GPANK1: variants seen among roughly 807,000 people sequenced by gnomAD.
The protein encoded by GPANK1 is G-patch domain and ankyrin repeats 1.
Under a neutral mutation model 24.0 loss-of-function variants are expected in GPANK1, and 22 were observed. The ratio of observed to expected loss-of-function variants is 0.92; its 90% CI spans 0.66 to 1.31. The LOEUF is 1.31. GPANK1 is among the 50% of genes most tolerant of loss of function. The probability of loss-of-function intolerance (pLI) is 0.00; values close to 1 mark genes in which losing one functional copy is unlikely to be tolerated. For synonymous variants in GPANK1, 174 were observed against 177.4 expected, an observed-to-expected ratio of 0.98 and a Z score of 0.15; for missense variants, 469 against 453.5, an observed-to-expected ratio of 1.03 and a Z score of -0.31.
rs1402461127 is a variant in GPANK1, at chr6:31,664,427, G to C, written c.52C>G (p.Leu18Val). ...GGCTGCTGCTGCCCATCCTTCCAGA[G>C]GTCGCTGGGGTCAGTGGCTGGGGTG... ...TFTPATDPSD[L>V]WKDGQQQPQP... The change falls in exon 2 of 3, where the codon CTC (leucine) becomes GTC (valine). Residue 18 changes from leucine (L) to valine (V), a missense_variant. Leu to Val is a conservative substitution (Grantham distance 32). Transcript: ENST00000375896. 1.2e-6 allele frequency: 2 copies of C among 1,614,090 alleles called. No individual in the cohort carries two copies. The highest frequency in any genetic ancestry group is 1.7e-4 in the Middle Eastern group (1 of 6,054).
upstream of GPANK1, chr6:31,665,752 G>A: frequency 2.1e-6 from 2 of 940,636 alleles, no homozygotes; most frequent in Non-Finnish European, 3.1e-6. Context: ...GAGGAGAGCT[G>A]CGGAAAGAGA....
At position 31,662,158 on chromosome 6, in the gene GPANK1, C is replaced by T; in HGVS notation, c.*108G>A. 1 of 650,412 alleles carries T rather than the reference C, an allele frequency of 1.5e-6. No individual in the cohort carries two copies. The highest frequency in any genetic ancestry group is 2.6e-6 in the Non-Finnish European group (1 of 383,968). The allele number at this position is 650,412 out of a possible 1,614,324, so 40.3% of individuals were successfully genotyped here. A position where few individuals can be genotyped will look rare whatever the true frequency, so the allele number is the denominator to read the frequency against. The stretch of plus-strand genomic sequence containing the variant: ...GAAGACAGAGCCTATTGACCAAAAA[C>T]TTCAGGATCTGCATCTGAGCAGATC... On this transcript the variant is annotated 3_prime_UTR_variant, in exon 3 of 3. Transcript: ENST00000375896. This position sits in a 1 kb window ranked among gnomAD's most constrained non-coding sequence, Gnocchi z 5.5.
Position 31,663,928 on chromosome 6 carries a change from G to T in GPANK1, c.551C>A (p.Ala184Asp). 1.9e-6 allele frequency: 3 copies of T among 1,612,970 alleles called. No individual in the cohort carries two copies. The highest frequency in any genetic ancestry group is 2.5e-6 in the Non-Finnish European group (3 of 1,179,440). ...ELSGRDAAQL[A>D]EEAGFPEVAR... Reference sequence around the variant, plus strand: ...TACCTCAGGGAAGCCAGCTTCTTCAGCGAGCTGAGCCGCATCCCTGCCACT... The same window carrying T: ...TACCTCAGGGAAGCCAGCTTCTTCATCGAGCTGAGCCGCATCCCTGCCACT... Residue 184 changes from alanine to aspartate, a missense_variant, in exon 2 of 3, where the codon GCT becomes GAT. Transcript: ENST00000375896.
At chr6:31,665,560 G>A (rs1801559463), upstream of GPANK1, 2 of 1,426,940 alleles carry the variant, frequency 1.4e-6, no homozygotes, top group Admixed American at 4.0e-5. Context: ...CCTACGCACG[G>A]AGCCAAGCCG....
chr6:31,662,650 G>A lies in GPANK1; in HGVS notation c.687C>T (p.Asn229=). 1 of 1,612,368 alleles carries A rather than the reference G, an allele frequency of 6.2e-7. No individual in the cohort carries two copies. Among genetic ancestry groups the A allele is most frequent in the Non-Finnish European group, 8.5e-7 (1 of 1,179,446 alleles). The stretch of plus-strand genomic sequence containing the variant: ...GCAGGTGAGCAGTGGATGTGCGGTG[G>A]TTGGAATCTTGGAAGTGGGTGTCAC... ...ENCDTHFQDS[N]HRTSTAHLLS... The change falls in exon 3 of 3, where the codon AAC becomes AAT. Residue 229 remains asparagine (N), a synonymous_variant. Coordinates refer to ENST00000375896, the MANE Select transcript of GPANK1 (RefSeq NM_033177.4). This position sits in a 1 kb window ranked among gnomAD's most constrained non-coding sequence, Gnocchi z 5.5.
Position 31,663,970 on chromosome 6 carries a change from AC to A in GPANK1, c.508del (p.Val170TrpfsTer6), listed in dbSNP as rs1801255262. On this transcript the variant is annotated frameshift_variant, in exon 2 of 3. Transcript: ENST00000375896. LOFTEE classifies it high-confidence loss of function. The stretch of plus-strand genomic sequence containing the variant: ...CCTGCCACTCAGCTCACAGACCCCC[AC>A]CCAGGCAGCCCCACGGCCCAGGAGA... The part of the protein sequence containing the change: ...SYLLGRGAAW[V>X]GVCELSGRDA... 6.2e-7 allele frequency: 1 copy of A among 1,613,870 alleles called. No individual in the cohort carries two copies. Among genetic ancestry groups the A allele is most frequent in the Admixed American group, 1.7e-5 (1 of 59,998 alleles).
upstream of GPANK1, chr6:31,665,554 C>G (rs1801558109): frequency 1.6e-6 from 2 of 1,252,770 alleles, no homozygotes; most frequent in Non-Finnish European, 2.1e-6. Context: ...CAAGTCCCTA[C>G]GCACGGAGCC....
In GPANK1 at chr6:31,664,435, G is replaced by A; in HGVS notation, c.44C>T (p.Pro15Leu). 6.2e-7 allele frequency: 1 copy of A among 1,614,024 alleles called. No individual in the cohort carries two copies. Among genetic ancestry groups the A allele is most frequent in the Non-Finnish European group, 8.5e-7 (1 of 1,179,982 alleles). Residue 15 changes from proline (P) to leucine (L), a missense_variant, in exon 2 of 3, where the codon CCC becomes CTC. Physicochemically the swap from Pro to Leu is moderately conservative, Grantham distance 98 (BLOSUM62 -3). Coordinates refer to ENST00000375896, the MANE Select transcript of GPANK1 (RefSeq NM_033177.4). The part of the protein sequence containing the change: ...LLITFTPATD[P>L]SDLWKDGQQQ... The stretch of plus-strand genomic sequence containing the variant: ...CTGCCCATCCTTCCAGAGGTCGCTG[G>A]GGTCAGTGGCTGGGGTGAAGGTGAT...
intron 2 of GPANK1, 150 bp downstream of exon 2, chr6:31,663,703 G>C: frequency 8.2e-7 from 1 of 1,217,092 alleles, no homozygotes; most frequent in Non-Finnish European, 1.1e-6. Context: ...GGGAGCTCAT[G>C]TTTATAACCA....
chr6:31,665,327 C>T, upstream of GPANK1: 2 of 976,584 alleles, frequency 2.0e-6, no homozygotes, highest in Non-Finnish European at 1.6e-6. Flanking sequence ...AGGAAAGGCC[C>T]TCAGGAGGCG....
Position 31,662,342 on chromosome 6 carries a change from C to T in GPANK1, c.995G>A (p.Arg332Lys). The T allele has an allele frequency of 1.9e-6, 3 of 1,610,510 alleles. No individual in the cohort carries two copies. The highest frequency in any genetic ancestry group is 2.5e-6 in the Non-Finnish European group (3 of 1,178,506). The change falls in exon 3 of 3, where the codon AGG becomes AAG. Residue 332 changes from arginine (R) to lysine (K), a missense_variant. By Grantham distance (26) the Arg-to-Lys change is conservative (BLOSUM62 2). Transcript: ENST00000375896. The surrounding 1 kb of genome is among the most constrained non-coding windows in gnomAD (Gnocchi z 5.5). ...TTTCTCCTCCCTCCTTCTCTCCTCC[C>T]TCCAGCTCAGTGTGGCCACCCGAGG... The part of the protein sequence containing the change: ...RPPRVATLSW[R>K]EERRREEKDR...
At chr6:31,665,659 C>G, upstream of GPANK1, 3 of 861,566 alleles carry the variant, frequency 3.5e-6, no homozygotes, top group Non-Finnish European at 5.5e-6. Context: ...AGGGGCCCAA[C>G]AGGCAATAAG....
rs1242017918 is a variant in GPANK1 at position 31,663,940 on chromosome 6, G to A, written c.539C>T (p.Ala180Val). Reference sequence around the variant, plus strand: ...GCCAGCTTCTTCAGCGAGCTGAGCCGCATCCCTGCCACTCAGCTCACAGAC... The same window carrying A: ...GCCAGCTTCTTCAGCGAGCTGAGCCACATCCCTGCCACTCAGCTCACAGAC... Reference protein sequence around the residue: ...VGVCELSGRDAAQLAEEAGFP... With the variant: ...VGVCELSGRDVAQLAEEAGFP... The change falls in exon 2 of 3, where the codon GCG becomes GTG. Residue 180 changes from alanine (A) to valine (V), a missense_variant. By Grantham distance (64) the Ala-to-Val change is moderately conservative. Transcript: ENST00000375896. The A allele has an allele frequency of 2.5e-6, 4 of 1,613,596 alleles. No homozygotes were observed. Among genetic ancestry groups the A allele is most frequent in the East Asian group, 2.2e-5 (1 of 44,876 alleles).
chr6:31,666,246 G>T, upstream of GPANK1: 2 of 951,258 alleles, frequency 2.1e-6, no homozygotes, highest in South Asian at 4.6e-5. Context: ...GTCCCTTGTC[G>T]CTGGGAGCGG....
At chr6:31,664,601 C>T in intron 1 of GPANK1, 24 bp from the exon 2 acceptor site, 1 of 701,340 alleles carries the variant, frequency 1.4e-6, no homozygotes, top group Non-Finnish European at 2.4e-6. Context: ...AAAAAGTAGT[C>T]AAAAACACTT....
At position 31,663,909 on chromosome 6, in the gene GPANK1, A is replaced by C; in HGVS notation, c.570T>G (p.Pro190=). The C allele has an allele frequency of 1.2e-6, 2 of 1,610,026 alleles. No homozygotes were observed. Among genetic ancestry groups the C allele is most frequent in the Non-Finnish European group, 8.5e-7 (1 of 1,177,940 alleles). The part of the protein sequence containing the change: ...AAQLAEEAGF[P]EVARMVRESH... ...TCTCCCTGACCATGCGGGCTACCTC[A>C]GGGAAGCCAGCTTCTTCAGCGAGCT... Residue 190 remains proline (P), a synonymous_variant, in exon 2 of 3, where the codon CCT becomes CCG. Coordinates refer to ENST00000375896, the MANE Select transcript of GPANK1 (RefSeq NM_033177.4).
At chr6:31,666,155 C>G, upstream of GPANK1, 1 of 991,436 alleles carries the variant, frequency 1.0e-6, no homozygotes, top group Non-Finnish European at 1.2e-6. Context: ...CGCCGCCGTT[C>G]CCTGGAAGTA....
chr6:31,665,750 C>G (rs1801594595), upstream of GPANK1: 9 of 927,684 alleles, frequency 9.7e-6, no homozygotes, highest in African/African-American at 1.7e-5. Flanking sequence ...GTGAGGAGAG[C>G]TGCGGAAAGA....
chr6:31,665,358 C>A, upstream of GPANK1: 1 of 1,241,292 alleles, frequency 8.1e-7, no homozygotes, highest in South Asian at 1.3e-5. Flanking sequence ...TGTGGAATGC[C>A]GAGAAGCCGT....
Sources: gnomAD v4.1 joint callset for allele counts on GRCh38, gnomAD v4.1.1 for gene constraint, Gnocchi (gnomAD v3.1) non-coding constraint, MANE v1.5 for transcripts, NCBI Gene and HGNC (gene_info 2026-07-23, HGNC 2026-07-21) for gene names.